The following SHISAL1 variants were observed in gnomAD, a reference collection of about 807,000 sequenced individuals.
The protein encoded by SHISAL1 is protein shisa-like-1.
Under a neutral mutation model 22.6 loss-of-function variants are expected in SHISAL1, and 9 were observed. The ratio of observed to expected loss-of-function variants is 0.40; its 90% CI spans 0.24 to 0.70. The LOEUF is 0.70. Ranked by LOEUF, SHISAL1 falls within the 30% of genes least tolerant of loss-of-function variation. The pLI is 0.39. For missense variants in SHISAL1, 246 were observed against 270.6 expected (o/e 0.91, Z 0.64); for synonymous variants, 119 against 115.4 (o/e 1.03, Z -0.20).
At chr22:44,311,396 A>G (rs1182507429) in intron 1 of SHISAL1, among the ~76,000 whole-genome samples, 1 of 152,150 alleles carries the variant, frequency 6.6e-6, no homozygotes, top group African/African-American at 2.4e-5. Context: ...GTGGATAACC[A>G]TTCCAGTGTA....
chr22:44,292,150 C>T (rs185716031), intron 3 of SHISAL1, among the ~76,000 whole-genome samples: 183 of 152,368 alleles, frequency 1.2e-3, no homozygotes, highest in South Asian at 2.9e-3. Context: ...TCACCAGCCC[C>T]GCCTCCTGGC....
intron 4 of SHISAL1, among the ~76,000 whole-genome samples, chr22:44,282,919 G>A (rs538247186): frequency 3.6e-4 from 55 of 152,296 alleles, no homozygotes; most frequent in African/African-American, 1.1e-3. Context: ...TGGGCCACCC[G>A]GGGACCAGGG....
In SHISAL1 at chr22:44,286,857, C is replaced by T. The variant is rs76877800; in HGVS notation, c.282-1112G>A. Among the ~76,000 whole-genome samples, 1,511 of 152,318 alleles carry T rather than the reference C, an allele frequency of 9.9e-3. 12 individuals are homozygous for T. The highest frequency in any genetic ancestry group is 0.016 in the Non-Finnish European group (1,079 of 68,020). On this transcript the variant is annotated intron_variant, in intron 3 of 4. Transcript: ENST00000381176. ...AGGGGCTGTGGCTGCCTGAAGCCAC[C>T]GATCTGTTAATCACTCCGGCGCCGC...
intron 4 of SHISAL1, among the ~76,000 whole-genome samples, chr22:44,263,756 C>G (rs181453220): frequency 6.6e-6 from 1 of 152,178 alleles, no homozygotes; most frequent in African/African-American, 2.4e-5. Flanking sequence ...CTGGAGCAGA[C>G]AAGGAAACAG....
intron 3 of SHISAL1, among the ~76,000 whole-genome samples, chr22:44,287,686 T>C (rs761590110): frequency 1.3e-5 from 2 of 152,172 alleles, no homozygotes; most frequent in African/African-American, 2.4e-5. Flanking sequence ...TAGCTTTTCC[T>C]GGAGGCATCT....
At chr22:44,260,437 C>T (rs1223559123) in intron 4 of SHISAL1, among the ~76,000 whole-genome samples, 6 of 152,178 alleles carry the variant, frequency 3.9e-5, no homozygotes, top group Non-Finnish European at 5.9e-5. Flanking sequence ...GCCTTGGAGA[C>T]GCTGTCTGCA....
At chr22:44,296,550 T>A in intron 3 of SHISAL1, 122 bp downstream of exon 3, 1 of 794,676 alleles carries the variant, frequency 1.3e-6, no homozygotes, top group Non-Finnish European at 2.1e-6. Context: ...CCAGACTCCT[T>A]CCAGGCCCAC....
the SHISAL1 span, among the ~76,000 whole-genome samples, chr22:44,326,793 TTTACA>T: frequency 6.6e-6 from 1 of 151,988 alleles, no homozygotes; most frequent in African/African-American, 2.4e-5. Context: ...ACTGGAGGCA[TTTACA>T]TTTCATCTCA....
the SHISAL1 span, among the ~76,000 whole-genome samples, chr22:44,325,601 G>C: frequency 6.6e-6 from 1 of 152,144 alleles, no homozygotes; most frequent in African/African-American, 2.4e-5. Flanking sequence ...ATGAGATCCA[G>C]GGCCTTGGGT....
At position 44,285,794 on chromosome 22, in the gene SHISAL1, C is replaced by T. The variant is rs148973396; in HGVS notation, c.282-49G>A. The T allele has an allele frequency of 3.6e-4, 524 of 1,470,996 alleles. 2 individuals are homozygous for T. The East Asian group carries it at 0.01, about 28-fold the overall frequency. 91.1% of individuals were successfully genotyped at this position (1,470,996 alleles called of 1,614,324 possible). ...GAGCAAGCAGAGGGGAGCAGTCCAGCTCAGGCCGGCTTCATCAGTGGGGCT... is the reference window on the plus strand; with the variant it reads ...GAGCAAGCAGAGGGGAGCAGTCCAGTTCAGGCCGGCTTCATCAGTGGGGCT... On this transcript the variant is annotated intron_variant, in intron 3 of 4. Coordinates refer to ENST00000381176, the MANE Select transcript of SHISAL1 (RefSeq NM_001099294.2).
chr22:44,326,633 T>C, the SHISAL1 span, among the ~76,000 whole-genome samples: 1 of 152,142 alleles, frequency 6.6e-6, no homozygotes, highest in African/African-American at 2.4e-5. Context: ...GAGGCAGCCG[T>C]TTGCACACAT....
intron 2 of SHISAL1, among the ~76,000 whole-genome samples, chr22:44,297,172 G>A (rs763630952): frequency 6.6e-6 from 1 of 152,146 alleles, no homozygotes; most frequent in Non-Finnish European, 1.5e-5. Flanking sequence ...TAGGAAATCA[G>A]CCTTAACTGA....
At chr22:44,253,043 G>A (rs9614408) in intron 4 of SHISAL1, among the ~76,000 whole-genome samples, 1 of 151,778 alleles carries the variant, frequency 6.6e-6, no homozygotes, top group Non-Finnish European at 1.5e-5. Flanking sequence ...TTTTTACAAA[G>A]TTCTACAGAG....
rs1168140484 is a variant in SHISAL1 at position 44,285,649 on chromosome 22, G to A, written c.378C>T (p.Asp126=). ...DLLYYSAMNY[D]ICKVYLARWG... is the part of the protein sequence containing the mutation. ...ACCGTGCCAGGTAGACCTTGCAGAT[G>A]TCGTAGTTCATTGCCGAGTAATACA... is the stretch of plus-strand genomic sequence containing the variant. The change falls in exon 4 of 5, where the codon GAC becomes GAT. Residue 126 remains aspartate (D), a synonymous_variant. Coordinates refer to ENST00000381176, the MANE Select transcript of SHISAL1 (RefSeq NM_001099294.2). 3 of 1,614,070 alleles carry A rather than the reference G, an allele frequency of 1.9e-6. No homozygotes were observed. The highest frequency in any genetic ancestry group is 2.7e-5 in the African/African-American group (2 of 74,932).
At chr22:44,261,003 T>C (rs373643950) in intron 4 of SHISAL1, among the ~76,000 whole-genome samples, 47 of 151,060 alleles carry the variant, frequency 3.1e-4, no homozygotes, top group African/African-American at 1.1e-3. Context: ...TGGGGCATGC[T>C]GAGGGCCTCT....
chr22:44,295,107 G>C (rs1384260772), intron 3 of SHISAL1, among the ~76,000 whole-genome samples: 1 of 152,132 alleles, frequency 6.6e-6, no homozygotes, highest in Non-Finnish European at 1.5e-5. Flanking sequence ...CATGACAAAA[G>C]AGCCAGGAGG....
At chr22:44,253,985 T>C (rs562333440) in intron 4 of SHISAL1, among the ~76,000 whole-genome samples, 76 of 152,204 alleles carry the variant, frequency 5.0e-4, no homozygotes, top group African/African-American at 1.8e-3. Context: ...CACAATATAC[T>C]AGAATTTGAA....
At chr22:44,274,667 G>C (rs1452625738) in intron 4 of SHISAL1, among the ~76,000 whole-genome samples, 6 of 152,122 alleles carry the variant, frequency 3.9e-5, no homozygotes, top group African/African-American at 1.4e-4. Flanking sequence ...AAAATCGCAG[G>C]GTCATCGCTG....
At chr22:44,325,859 C>T in the SHISAL1 span, among the ~76,000 whole-genome samples, 106 of 151,994 alleles carry the variant, frequency 7.0e-4, no homozygotes, top group African/African-American at 2.4e-3. Flanking sequence ...TCCCGAAATG[C>T]CCCTCTGCCT....
Sources: allele counts gnomAD v4.1 joint callset (sites outside exome capture counted in the v4.1 genomes callset), GRCh38; gene constraint gnomAD v4.1.1; transcripts MANE v1.5; gene names NCBI Gene and HGNC (gene_info 2026-07-23, HGNC 2026-07-21).